KIR3DL2: variants seen among roughly 807,000 people sequenced by gnomAD.
The protein encoded by KIR3DL2 is killer cell immunoglobulin-like receptor 3DL2.
KIR3DL2 carries 42 observed loss-of-function variants against 41.6 expected under a neutral mutation model. The ratio of observed to expected loss-of-function variants is 1.01; its 90% CI spans 0.79 to 1.31. KIR3DL2 has a LOEUF of 1.31. Among genes scored for constraint, KIR3DL2 ranks in the 50% most tolerant of loss-of-function variants. The pLI, the probability that KIR3DL2 is intolerant of heterozygous loss-of-function variation, is 0.00. For missense variants in KIR3DL2, 728 were observed against 576.8 expected (o/e 1.26, Z -2.68); for synonymous variants, 230 against 221.3 (o/e 1.04, Z -0.35).
chr19:54,866,580 T>G lies in KIR3DL2; in HGVS notation c.1217T>G (p.Phe406Cys). The change falls in exon 9 of 9, where the codon TTC becomes TGC. Residue 406 changes from phenylalanine (F) to cysteine (C), a missense_variant. By Grantham distance (205) the Phe-to-Cys change is radical (BLOSUM62 -2). Coordinates refer to ENST00000326321, the MANE Select transcript of KIR3DL2 (RefSeq NM_006737.4). ...VTYAQLDHCV[F>C]IQRKISRPSQ... is the part of the protein sequence containing the mutation. ...TACGCACAGTTGGATCACTGCGTTTTCATACAGAGAAAAATCAGTCGCCCT... is the reference window on the plus strand; with the variant it reads ...TACGCACAGTTGGATCACTGCGTTTGCATACAGAGAAAAATCAGTCGCCCT... The G allele has an allele frequency of 6.2e-7, 1 of 1,614,030 alleles. No homozygotes were observed. Among genetic ancestry groups the G allele is most frequent in the Non-Finnish European group, 8.5e-7 (1 of 1,179,984 alleles).
chr19:54,853,145 C>G (rs931876887), intron 3 of KIR3DL2, among the ~76,000 whole-genome samples: 1 of 151,520 alleles, frequency 6.6e-6, no homozygotes, highest in Non-Finnish European at 1.5e-5. Context: ...AGAAACCAAA[C>G]AAGGAGAAGG....
chr19:54,863,521 T>A (rs2065317249), intron 6 of KIR3DL2, among the ~76,000 whole-genome samples: 1 of 152,046 alleles, frequency 6.6e-6, no homozygotes, highest in African/African-American at 2.4e-5. Flanking sequence ...GCACCTGTTG[T>A]TTCCCGACTT....
intron 6 of KIR3DL2, among the ~76,000 whole-genome samples, chr19:54,863,635 T>C (rs2065323898): frequency 6.6e-6 from 1 of 152,154 alleles, no homozygotes; most frequent in African/African-American, 2.4e-5. Context: ...CATGTGTTTT[T>C]TGGCTGCATA....
At chr19:54,854,069 C>A (rs1370260664) in intron 4 of KIR3DL2, 23 bp downstream of exon 4, 13 of 1,610,578 alleles carry the variant, frequency 8.1e-6, no homozygotes, top group Admixed American at 1.7e-5. Flanking sequence ...AGACATTCTT[C>A]TCATTGTCAT....
intron 6 of KIR3DL2, among the ~76,000 whole-genome samples, chr19:54,862,802 CTTTTTT>C (rs1210198153): frequency 4.1e-4 from 33 of 79,762 alleles, no homozygotes; most frequent in African/African-American, 1.3e-3. Flanking sequence ...TGGGTTACTT[CTTTTTT>C]TTTTTTTTTT....
chr19:54,857,532 A>G (rs1324995115), intron 5 of KIR3DL2, among the ~76,000 whole-genome samples: 1 of 130,492 alleles, frequency 7.7e-6, no homozygotes, highest in African/African-American at 2.8e-5. Flanking sequence ...GATAAAAGCC[A>G]TTTTACTTTA....
At chr19:54,857,279 C>T (rs1410640057) in intron 5 of KIR3DL2, among the ~76,000 whole-genome samples, 5 of 151,400 alleles carry the variant, frequency 3.3e-5, no homozygotes, top group South Asian at 2.1e-4. Flanking sequence ...TTAGCACAGA[C>T]GGGATATCCC....
Position 54,856,423 on chromosome 19 carries a change from G to A in KIR3DL2, c.949+511G>A, listed in dbSNP as rs753736182. On this transcript the variant is annotated intron_variant, in intron 5 of 8. Transcript: ENST00000326321. ...ATGCTGGGTGTGGTGGTTCACGGTT[G>A]TAATCTTGGCGCTTTGAGAGGCCAA... 1.8e-3 allele frequency among the ~76,000 whole-genome samples: 272 copies of A among 151,832 alleles called. 3 individuals are homozygous for A. Among genetic ancestry groups the A allele is most frequent in the Non-Finnish European group, 2.7e-3 (185 of 68,000 alleles).
chr19:54,865,611 C>T (rs1462021090), intron 6 of KIR3DL2, among the ~76,000 whole-genome samples, 194 bp from the exon 7 acceptor site: 2 of 152,036 alleles, frequency 1.3e-5, no homozygotes, highest in Non-Finnish European at 2.9e-5. Context: ...ACTAAAGCAG[C>T]TGTATCCTCA....
At chr19:54,854,144 G>A (rs592446) in intron 4 of KIR3DL2, 98 bp downstream of exon 4, 214,448 of 1,414,664 alleles carry the variant, frequency 0.15, 16,355 homozygotes, top group Non-Finnish European at 0.17. Flanking sequence ...GATAAGCGTG[G>A]GATTCTTATG....
Position 54,853,955 on chromosome 19 carries a change from C to A in KIR3DL2, c.564C>A (p.Val188=). The part of the protein sequence containing the change: ...ANFSIGPLMP[V]LAGTYRCYGS... Reference sequence around the variant, plus strand: ...TCTCCATCGGTCCCTTGATGCCTGTCCTTGCAGGAACCTACAGATGTTATG... The same window carrying A: ...TCTCCATCGGTCCCTTGATGCCTGTACTTGCAGGAACCTACAGATGTTATG... Residue 188 remains valine, a synonymous_variant, in exon 4 of 9, where the codon GTC becomes GTA. Coordinates refer to ENST00000326321, the MANE Select transcript of KIR3DL2 (RefSeq NM_006737.4). 6.2e-7 allele frequency: 1 copy of A among 1,613,420 alleles called. No individual in the cohort carries two copies. The highest frequency in any genetic ancestry group is 1.1e-5 in the South Asian group (1 of 91,072).
intron 6 of KIR3DL2, 118 bp downstream of exon 6, chr19:54,859,247 T>A (rs2065006077): frequency 8.2e-6 from 8 of 981,390 alleles, no homozygotes; most frequent in Non-Finnish European, 1.3e-5. Context: ...TTCCACCATC[T>A]CTGAACTCCA....
chr19:54,853,352 C>A (rs2145583281), intron 3 of KIR3DL2, among the ~76,000 whole-genome samples: 1 of 151,810 alleles, frequency 6.6e-6, no homozygotes, highest in Non-Finnish European at 1.5e-5. Context: ...TGATGTCTGC[C>A]TTACTGATGA....
intron 7 of KIR3DL2, 136 bp from the exon 8 acceptor site, chr19:54,866,234 G>A (rs1234934782): frequency 2.4e-6 from 2 of 849,416 alleles, no homozygotes; most frequent in Non-Finnish European, 3.8e-6. Context: ...CAGAGAGATA[G>A]AATGTCTGAG....
chr19:54,862,469 A>G (rs2065242554), intron 6 of KIR3DL2, among the ~76,000 whole-genome samples: 1 of 152,138 alleles, frequency 6.6e-6, no homozygotes, highest in Non-Finnish European at 1.5e-5. Flanking sequence ...AATACGTTAC[A>G]TAGGCAGGTT....
chr19:54,851,610 C>A (rs111455254), intron 2 of KIR3DL2, among the ~76,000 whole-genome samples: 60 of 151,488 alleles, frequency 4.0e-4, no homozygotes, highest in Non-Finnish European at 7.1e-4. Flanking sequence ...AGTGTGGCTG[C>A]GGTCTTTCTA....
intron 6 of KIR3DL2, among the ~76,000 whole-genome samples, chr19:54,864,519 C>A (rs1241387705): frequency 2.0e-5 from 3 of 151,980 alleles, no homozygotes; most frequent in Non-Finnish European, 4.4e-5. Flanking sequence ...TGTTTGTATC[C>A]TCTTTTATTT....
At chr19:54,859,267 A>T in intron 6 of KIR3DL2, 138 bp downstream of exon 6, 1 of 914,232 alleles carries the variant, frequency 1.1e-6, no homozygotes, top group Non-Finnish European at 1.8e-6. Flanking sequence ...AGACACTCCA[A>T]CAGTGAAAGG....
chr19:54,853,903 T>C lies in KIR3DL2; in HGVS notation c.512T>C (p.Ile171Thr). Reference protein sequence around the residue: ...SEDPSRLVGQIHDGVSKANFS... With the variant: ...SEDPSRLVGQTHDGVSKANFS... The stretch of plus-strand genomic sequence containing the variant: ...GACCCCTCACGCCTCGTTGGACAGA[T>C]CCATGATGGGGTCTCCAAGGCCAAC... Residue 171 changes from isoleucine to threonine, a missense_variant, in exon 4 of 9, where the codon ATC becomes ACC. Physicochemically the swap from Ile to Thr is moderately conservative, Grantham distance 89. Transcript: ENST00000326321. 2 of 1,613,358 alleles carry C rather than the reference T, an allele frequency of 1.2e-6. No homozygotes were observed. Among genetic ancestry groups the C allele is most frequent in the South Asian group, 1.1e-5 (1 of 91,074 alleles).
Sources: allele counts gnomAD v4.1 joint callset (sites outside exome capture counted in the v4.1 genomes callset), GRCh38; gene constraint gnomAD v4.1.1; transcripts MANE v1.5; gene names NCBI Gene and HGNC (gene_info 2026-07-23, HGNC 2026-07-21).